Variants in PTPRD observed in about 807,000 individuals in gnomAD.
PTPRD encodes the protein protein tyrosine phosphatase receptor type D.
PTPRD carries 34 observed loss-of-function variants against 214.5 expected under a neutral mutation model. The observed-to-expected ratio is 0.16, with a 90% CI of 0.12 to 0.21. PTPRD has a LOEUF of 0.21. Ranked by LOEUF, PTPRD falls within the 10% of genes least tolerant of loss-of-function variation. The probability of loss-of-function intolerance (pLI) is 1.00; values close to 1 mark genes in which losing one functional copy is unlikely to be tolerated. For synonymous variants in PTPRD, 1,128 were observed against 845.7 expected (o/e 1.33, Z -5.79); for missense variants, 2,545 against 2,398.7 (o/e 1.06, Z -1.27).
At chr9:8,763,726 A>G (rs1297235067) in intron 11 of PTPRD, among the ~76,000 whole-genome samples, 1 of 151,872 alleles carries the variant, frequency 6.6e-6, no homozygotes, top group African/African-American at 2.4e-5. Flanking sequence ...ATTTTTGAGA[A>G]AAGTTTTTCG....
chr9:9,143,655 T>C (rs2099863869), intron 10 of PTPRD, among the ~76,000 whole-genome samples: 1 of 152,204 alleles, frequency 6.6e-6, no homozygotes, highest in East Asian at 1.9e-4. Context: ...CAGAGTTTAG[T>C]ACATCAGGCA....
intron 4 of PTPRD, among the ~76,000 whole-genome samples, chr9:10,026,446 T>C (rs534014316): frequency 6.6e-6 from 1 of 152,202 alleles, no homozygotes. Flanking sequence ...TAAAAATTAC[T>C]AGAAAAGTCA....
At chr9:8,499,090 ATT>A (rs2097340046) in intron 25 of PTPRD, among the ~76,000 whole-genome samples, 1 of 152,102 alleles carries the variant, frequency 6.6e-6, no homozygotes. Context: ...TTCTGATTTA[ATT>A]TTTAATATCA....
At chr9:9,959,453 C>T (rs1397941315) in intron 4 of PTPRD, among the ~76,000 whole-genome samples, 1 of 151,926 alleles carries the variant, frequency 6.6e-6, no homozygotes, top group African/African-American at 2.4e-5. Flanking sequence ...TTGTCAAAAC[C>T]CATGGAATTT....
At chr9:8,739,973 G>C (rs1299952133) in intron 11 of PTPRD, among the ~76,000 whole-genome samples, 1 of 152,168 alleles carries the variant, frequency 6.6e-6, no homozygotes, top group Non-Finnish European at 1.5e-5. Context: ...ATGTGGAACT[G>C]TAAGTCCATT....
At chr9:9,850,499 T>A (rs940733474) in intron 5 of PTPRD, among the ~76,000 whole-genome samples, 3 of 152,148 alleles carry the variant, frequency 2.0e-5, no homozygotes, top group East Asian at 1.9e-4. Flanking sequence ...AATTCATAAC[T>A]AAAACAAAAA....
chr9:8,333,762 T>C (rs903546295), intron 43 of PTPRD, among the ~76,000 whole-genome samples: 1 of 151,818 alleles, frequency 6.6e-6, no homozygotes, highest in African/African-American at 2.4e-5. Flanking sequence ...GACTGGCCAA[T>C]TGGATAAAGA....
At chr9:10,413,017 GGAAAACCTGAAAGCTTTCCCCTT>G (rs1446252532) in intron 2 of PTPRD, among the ~76,000 whole-genome samples, 1 of 151,762 alleles carries the variant, frequency 6.6e-6, no homozygotes, top group Non-Finnish European at 1.5e-5. Flanking sequence ...TACCAAAAAG[GGAAAACCTGAAAGCTTTCCCCTT>G]GAAAACCAGG....
At position 8,969,899 on chromosome 9, in the gene PTPRD, T is replaced by C. The variant is rs145413608; in HGVS notation, c.-104+48798A>G. Among the ~76,000 whole-genome samples, 978 of 152,076 alleles carry C rather than the reference T, an allele frequency of 6.4e-3. 9 individuals are homozygous for C. Among genetic ancestry groups the C allele is most frequent in the African/African-American group, 0.022 (932 of 41,538 alleles). On this transcript the variant is annotated intron_variant, in intron 11 of 45. Transcript: ENST00000381196. ...GATATCCAACTACTAATTACAACAT[T>C]GCCTTTTAAATTACTATTTTGATTA...
At chr9:9,563,850 C>A (rs1375356615) in intron 8 of PTPRD, among the ~76,000 whole-genome samples, 1 of 152,102 alleles carries the variant, frequency 6.6e-6, no homozygotes, top group Non-Finnish European at 1.5e-5. Flanking sequence ...ACATGCTTTA[C>A]CTGAGCATTT....
chr9:8,760,779 T>C (rs2094364431), intron 11 of PTPRD, among the ~76,000 whole-genome samples: 1 of 152,174 alleles, frequency 6.6e-6, no homozygotes, highest in South Asian at 2.1e-4. Flanking sequence ...TTCTAGGAGA[T>C]CTGGCTTCCC....
chr9:9,500,434 G>C (rs960295398), intron 8 of PTPRD, among the ~76,000 whole-genome samples: 6 of 152,050 alleles, frequency 3.9e-5, no homozygotes, highest in African/African-American at 1.4e-4. Flanking sequence ...GTACAGGAAG[G>C]TACAGCTAAA....
At chr9:8,697,467 G>A (rs1271611303) in intron 12 of PTPRD, among the ~76,000 whole-genome samples, 2 of 127,002 alleles carry the variant, frequency 1.6e-5, no homozygotes, top group Admixed American at 9.6e-5. Flanking sequence ...CTGTCACCTA[G>A]GCTGGAGTGC....
Position 9,659,684 on chromosome 9 carries a change from A to G in PTPRD, c.-287+74849T>C, listed in dbSNP as rs1464890842. On this transcript the variant is annotated intron_variant, in intron 7 of 45. Coordinates refer to ENST00000381196, the MANE Select transcript of PTPRD (RefSeq NM_002839.4). Reference sequence around the variant, plus strand: ...CAATGAAAAAATAAATAGTACAATAAAAAGTCACTAAAAGGGAAAATTATT... The same window carrying G: ...CAATGAAAAAATAAATAGTACAATAGAAAGTCACTAAAAGGGAAAATTATT... Among the ~76,000 whole-genome samples the G allele has an allele frequency of 2.0e-5, 3 of 152,106 alleles. No homozygotes were observed. The East Asian group carries it at 5.8e-4, about 29-fold the overall frequency.
chr9:10,157,795 T>A (rs1196437911), intron 3 of PTPRD, among the ~76,000 whole-genome samples: 2 of 152,122 alleles, frequency 1.3e-5, no homozygotes, highest in African/African-American at 2.4e-5. Flanking sequence ...AGATTTGACC[T>A]CCATACATAA....
At chr9:9,859,194 G>T (rs1014497832) in intron 5 of PTPRD, among the ~76,000 whole-genome samples, 2 of 152,316 alleles carry the variant, frequency 1.3e-5, no homozygotes, top group African/African-American at 4.8e-5. Context: ...TGCCGTGATT[G>T]TAAGTTTCCT....
intron 11 of PTPRD, among the ~76,000 whole-genome samples, chr9:9,013,741 A>G (rs1415790949): frequency 6.6e-6 from 1 of 152,152 alleles, no homozygotes; most frequent in Non-Finnish European, 1.5e-5. Flanking sequence ...ATGCTTACGT[A>G]TAACAGGTAT....
intron 7 of PTPRD, among the ~76,000 whole-genome samples, chr9:9,612,678 GA>G (rs990663774): frequency 1.3e-5 from 2 of 148,610 alleles, no homozygotes; most frequent in Non-Finnish European, 3.0e-5. Context: ...TACAATCTTT[GA>G]AAAAAAAGGA....
chr9:10,547,928 T>C (rs1475804952), intron 2 of PTPRD, among the ~76,000 whole-genome samples: 3 of 152,106 alleles, frequency 2.0e-5, no homozygotes, highest in African/African-American at 4.8e-5. Flanking sequence ...ATTTCAGTAA[T>C]GGATTTCTCT....
Sources: gnomAD v4.1 joint callset for allele counts (sites outside exome capture counted in the v4.1 genomes callset) on GRCh38, gnomAD v4.1.1 for gene constraint, MANE v1.5 for transcripts, NCBI Gene and HGNC (gene_info 2026-07-23, HGNC 2026-07-21) for gene names.